Variants in PHYHIPL observed in about 807,000 individuals in gnomAD.
The protein encoded by PHYHIPL is phytanoyl-CoA 2-hydroxylase interacting protein like.
In PHYHIPL, 9 loss-of-function variants were observed where a neutral mutation model predicts 33.4. The observed-to-expected ratio is 0.27, with a 90% confidence interval of 0.16 to 0.47. The LOEUF (loss-of-function observed/expected upper bound fraction) is 0.47, where lower values mean the gene tolerates loss of function less well. PHYHIPL is among the 20% of genes least tolerant of loss of function. PHYHIPL has a pLI of 0.99. For missense variants in PHYHIPL, 365 were observed against 460.7 expected (o/e 0.79, Z 1.90); for synonymous variants, 153 against 154.1 (o/e 0.99, Z 0.05).
chr10:59,236,485 TG>T lies in PHYHIPL; in HGVS notation c.307del (p.Val103PhefsTer14). On this transcript the variant is annotated frameshift_variant, in exon 3 of 5. Transcript: ENST00000373880. LOFTEE classifies it high-confidence loss of function. The part of the protein sequence containing the change: ...KNSNKFKHKD[V>X]PTKLVAKAVP... ...TCTCTTCCTTCTTTCATTCCTAGGA[TG>T]TTCCCACAAAATTGGTGGCAAAAGC... 6.3e-7 allele frequency: 1 copy of T among 1,583,742 alleles called. No homozygotes were observed. The highest frequency in any genetic ancestry group is 8.6e-7 in the Non-Finnish European group (1 of 1,162,682).
chr10:59,190,707 T>G (rs2133198953), intron 1 of PHYHIPL, among the ~76,000 whole-genome samples: 1 of 152,002 alleles, frequency 6.6e-6, no homozygotes, highest in Non-Finnish European at 1.5e-5. Flanking sequence ...TGGTTTTCCC[T>G]AGTTACTTAT....
intron 1 of PHYHIPL, among the ~76,000 whole-genome samples, chr10:59,207,327 C>G (rs1421438504): frequency 1.3e-5 from 2 of 152,180 alleles, no homozygotes; most frequent in African/African-American, 4.8e-5. Flanking sequence ...CGCAAGGGGT[C>G]AGGCAACTCC....
At chr10:59,241,259 T>A (rs1343468823) in intron 4 of PHYHIPL, among the ~76,000 whole-genome samples, 4 of 152,124 alleles carry the variant, frequency 2.6e-5, no homozygotes, top group Admixed American at 2.6e-4. Context: ...AATGCTTGAA[T>A]AGAAAGGAAA....
intron 1 of PHYHIPL, among the ~76,000 whole-genome samples, chr10:59,230,239 G>A: frequency 9.4e-6 from 1 of 106,218 alleles, no homozygotes; most frequent in African/African-American, 3.7e-5. Context: ...TTTGAGACAA[G>A]GTCTTACTCT....
intron 1 of PHYHIPL, among the ~76,000 whole-genome samples, chr10:59,182,347 G>T (rs112409882): frequency 0.05 from 7,605 of 151,810 alleles, 503 homozygotes; most frequent in African/African-American, 0.15. Context: ...TTCATTATTA[G>T]CATTATTATT....
Position 59,247,637 on chromosome 10 carries a change from G to A in PHYHIPL, c.*2046G>A, listed in dbSNP as rs754449681. On this transcript the variant is annotated 3_prime_UTR_variant, in exon 5 of 5. Coordinates refer to ENST00000373880, the MANE Select transcript of PHYHIPL (RefSeq NM_032439.4). ...CCTCAAATAGTTTTGGCCACATCTT[G>A]CTTGCTGATGAGGACCTCTAATAGT... The A allele has an allele frequency of 6.2e-7, 1 of 1,613,236 alleles. No homozygotes were observed. The highest frequency in any genetic ancestry group is 1.3e-5 in the African/African-American group (1 of 74,862).
chr10:59,183,773 G>C (rs571962245), intron 1 of PHYHIPL: 1 of 593,018 alleles, frequency 1.7e-6, no homozygotes, highest in South Asian at 7.5e-5. Context: ...AAAAGGGGCT[G>C]CTCCGTGGGG....
chr10:59,179,635 A>G (rs1476558444), intron 1 of PHYHIPL, among the ~76,000 whole-genome samples: 1 of 152,170 alleles, frequency 6.6e-6, no homozygotes, highest in Non-Finnish European at 1.5e-5. Context: ...GCTGGTGAAC[A>G]TAACTGTATA....
At chr10:59,212,718 T>C (rs1245692374) in intron 1 of PHYHIPL, among the ~76,000 whole-genome samples, 1 of 152,194 alleles carries the variant, frequency 6.6e-6, no homozygotes, top group Non-Finnish European at 1.5e-5. Flanking sequence ...TTGTGAATCA[T>C]TGCTCAATTA....
chr10:59,214,095 T>C (rs761974244), intron 1 of PHYHIPL, among the ~76,000 whole-genome samples: 1 of 152,088 alleles, frequency 6.6e-6, no homozygotes, highest in Admixed American at 6.6e-5. Flanking sequence ...AGAAAAAAAA[T>C]TTAATTGAAA....
At chr10:59,193,416 A>G (rs973206917) in intron 1 of PHYHIPL, among the ~76,000 whole-genome samples, 1 of 152,214 alleles carries the variant, frequency 6.6e-6, no homozygotes, top group African/African-American at 2.4e-5. Context: ...AGTGCATAAA[A>G]TAAATGAACT....
intron 4 of PHYHIPL, among the ~76,000 whole-genome samples, chr10:59,239,628 C>T (rs186028175): frequency 6.6e-6 from 1 of 151,970 alleles, no homozygotes; most frequent in African/African-American, 2.4e-5. Flanking sequence ...CTATGTTTAT[C>T]CCTGGAAGCA....
chr10:59,192,876 A>C (rs1260961360), intron 1 of PHYHIPL, among the ~76,000 whole-genome samples: 1 of 152,152 alleles, frequency 6.6e-6, no homozygotes, highest in Admixed American at 6.6e-5. Flanking sequence ...ACAAGCGATT[A>C]CAGTTCTTTC....
chr10:59,233,212 G>A (rs761243294), intron 1 of PHYHIPL, among the ~76,000 whole-genome samples: 2 of 151,866 alleles, frequency 1.3e-5, no homozygotes, highest in African/African-American at 2.4e-5. Flanking sequence ...AGACAACATG[G>A]GTCAAAGATT....
At chr10:59,240,500 A>G (rs922242791) in intron 4 of PHYHIPL, among the ~76,000 whole-genome samples, 2 of 150,748 alleles carry the variant, frequency 1.3e-5, no homozygotes, top group Non-Finnish European at 3.0e-5. Context: ...AGTCTATTTT[A>G]TAAAAAAAAA....
Position 59,238,631 on chromosome 10 carries a change from A to G in PHYHIPL, c.522A>G (p.Glu174=). The change falls in exon 4 of 5, where the codon GAA becomes GAG. Residue 174 remains glutamate, a synonymous_variant. Transcript: ENST00000373880. ...TAACACAATTGTTGGAGAAGGCTGA[A>G]GTGATTGCAGGACGCATGCTTAAGT... is the stretch of plus-strand genomic sequence containing the variant. The part of the protein sequence containing the change: ...VHLTQLLEKA[E]VIAGRMLKFS... 1 of 1,611,164 alleles carries G rather than the reference A, an allele frequency of 6.2e-7. No individual in the cohort carries two copies. Among genetic ancestry groups the G allele is most frequent in the Non-Finnish European group, 8.5e-7 (1 of 1,177,794 alleles).
rs959047404 is a variant in PHYHIPL at position 59,191,485 on chromosome 10, T to C, written c.106+14526T>C. Among the ~76,000 whole-genome samples the C allele has an allele frequency of 2.0e-5, 3 of 152,020 alleles. 1 individual carries two copies. Among genetic ancestry groups the C allele is most frequent in the African/African-American group, 4.8e-5 (2 of 41,454 alleles). ...TTAGATTTGCAGTAACTTCAGTCACTGTATGTTTTACTGAAAATTTATGGA... is the reference window on the plus strand; with the variant it reads ...TTAGATTTGCAGTAACTTCAGTCACCGTATGTTTTACTGAAAATTTATGGA... On this transcript the variant is annotated intron_variant, in intron 1 of 4. Coordinates refer to ENST00000373880, the MANE Select transcript of PHYHIPL (RefSeq NM_032439.4).
chr10:59,236,068 G>A (rs1564458807), intron 2 of PHYHIPL, among the ~76,000 whole-genome samples: 1 of 151,822 alleles, frequency 6.6e-6, no homozygotes, highest in East Asian at 1.9e-4. Flanking sequence ...GGAGCATATA[G>A]TATACAGAAA....
chr10:59,175,579 A>C (rs1289025956), upstream of PHYHIPL, among the ~76,000 whole-genome samples: 1 of 152,252 alleles, frequency 6.6e-6, no homozygotes, highest in East Asian at 1.9e-4. Flanking sequence ...AACAAAACTA[A>C]AAACTTTTCC....
Sources: gnomAD v4.1 joint callset for allele counts (sites outside exome capture counted in the v4.1 genomes callset) on GRCh38, gnomAD v4.1.1 for gene constraint, MANE v1.5 for transcripts, NCBI Gene and HGNC (gene_info 2026-07-23, HGNC 2026-07-21) for gene names.